Variants in AKAP9 observed in about 807,000 individuals in gnomAD.
AKAP9 encodes the protein A-kinase anchor protein 9.
AKAP9 carries 311 observed loss-of-function variants against 488.5 expected under a neutral mutation model. The observed-to-expected ratio is 0.64, with a 90% CI of 0.58 to 0.70. The LOEUF is 0.70. Among genes scored for constraint, AKAP9 ranks in the 30% least tolerant of loss-of-function variants. AKAP9 has a pLI of 0.00. For synonymous variants in AKAP9, 1,462 were observed against 1,483.5 expected (o/e 0.99, Z 0.33); for missense variants, 4,215 against 4,374.5 (o/e 0.96, Z 1.03).
At chr7:92,070,406 T>TG (rs745816260) in intron 27 of AKAP9, among the ~76,000 whole-genome samples, 200 bp downstream of exon 27, 20 of 27,838 alleles carry the variant, frequency 7.2e-4, no homozygotes, top group East Asian at 2.3e-3. Context: ...TTGTTGTTGT[T>TG]TTGTTTTGTT....
chr7:91,948,605 C>CCTTTT (rs1791773313), intron 1 of AKAP9, among the ~76,000 whole-genome samples: 1 of 107,564 alleles, frequency 9.3e-6, no homozygotes, highest in Non-Finnish European at 1.8e-5. Context: ...TTGTAGATTT[C>CCTTTT]TTTTTTTTTT....
intron 3 of AKAP9, among the ~76,000 whole-genome samples, chr7:91,990,205 A>C (rs192565856): frequency 1.9e-3 from 290 of 152,208 alleles, no homozygotes; most frequent in African/African-American, 6.5e-3. Flanking sequence ...CTGTTAATCT[A>C]ATCTTCATGT....
chr7:92,041,979 G>C, intron 18 of AKAP9, 67 bp from the exon 19 acceptor site: 1 of 1,559,770 alleles, frequency 6.4e-7, no homozygotes, highest in Non-Finnish European at 8.8e-7. Context: ...AAAGAAATCT[G>C]CTTAATATTT....
chr7:91,951,601 A>G (rs959599952), intron 1 of AKAP9, among the ~76,000 whole-genome samples: 5 of 152,218 alleles, frequency 3.3e-5, no homozygotes, highest in African/African-American at 4.8e-5. Context: ...CTGGGATTAT[A>G]GGTGTGAGCC....
At chr7:91,981,000 A>AT (rs1203448271) in intron 3 of AKAP9, among the ~76,000 whole-genome samples, 1 of 152,130 alleles carries the variant, frequency 6.6e-6, no homozygotes, top group Non-Finnish European at 1.5e-5. Context: ...GGAAAAAAAA[A>AT]CTCCATGTTC....
rs34162437 is a variant in AKAP9, at chr7:92,101,436, C to CA, written c.11097+396dup. Among the ~76,000 whole-genome samples the CA allele has an allele frequency of 0.014, 1,788 of 131,796 alleles. 80 individuals are homozygous for CA. In the East Asian group the frequency reaches 0.18, roughly 13 times the overall value. The allele number at this position is 131,796 out of a possible 152,430, so 86.5% of individuals were successfully genotyped here. A position where few individuals can be genotyped will look rare whatever the true frequency, so the allele number is the denominator to read the frequency against. ...TGGGCCACAGAGTGAGACTCCGTCT[C>CA]AAAAAAAAAAAAAAAATGTAGATAG... On this transcript the variant is annotated intron_variant, in intron 45 of 49. Transcript: ENST00000356239.
chr7:92,061,389 G>A lies in AKAP9; in HGVS notation c.5731G>A (p.Glu1911Lys), dbSNP rs1281681445. ...CCTTCATGAGGAGTCCAGGGCCAGA[G>A]AACAGCTAGCTGTGGAGCTCAGTAA... ...ERLHEESRAREQLAVELSKAE... is the reference protein window; with the variant it reads ...ERLHEESRARKQLAVELSKAE... Residue 1911 changes from glutamate to lysine, a missense_variant, in exon 23 of 50, where the codon GAA becomes AAA. By Grantham distance (56) the Glu-to-Lys change is moderately conservative. This residue lies in a region of AKAP9 where 2,361 missense variants were observed against 2,430.0 expected (regional missense o/e 0.97). Coordinates refer to ENST00000356239, the MANE Select transcript of AKAP9 (RefSeq NM_005751.5). 2 of 1,612,692 alleles carry A rather than the reference G, an allele frequency of 1.2e-6. No homozygotes were observed. Among genetic ancestry groups the A allele is most frequent in the African/African-American group, 2.7e-5 (2 of 74,696 alleles).
At chr7:92,099,574 C>T (rs1049384610) in intron 43 of AKAP9, 113 bp from the exon 44 acceptor site, 27 of 1,037,828 alleles carry the variant, frequency 2.6e-5, no homozygotes, top group Non-Finnish European at 3.9e-5. Flanking sequence ...ACTGAATACT[C>T]AACTCAAGCA....
intron 3 of AKAP9, among the ~76,000 whole-genome samples, chr7:91,986,832 T>G (rs1310792380): frequency 6.6e-6 from 1 of 152,014 alleles, no homozygotes; most frequent in Non-Finnish European, 1.5e-5. Flanking sequence ...TTATCATACT[T>G]GTTGACCATA....
chr7:92,042,405 G>A (rs558962548), intron 19 of AKAP9, among the ~76,000 whole-genome samples: 6 of 152,272 alleles, frequency 3.9e-5, no homozygotes, highest in African/African-American at 1.4e-4. Flanking sequence ...TTTCACCAAA[G>A]AGAACCTAAC....
chr7:91,988,324 A>T (rs1273207648), intron 3 of AKAP9, among the ~76,000 whole-genome samples: 1 of 148,782 alleles, frequency 6.7e-6, no homozygotes, highest in Non-Finnish European at 1.5e-5. Flanking sequence ...AAAAAAAAAA[A>T]AGCTAGGTGA....
chr7:91,940,926 G>A lies in AKAP9; in HGVS notation c.-174G>A, dbSNP rs946500780. The A allele has an allele frequency of 2.1e-5, 15 of 723,956 alleles. No homozygotes were observed. Among genetic ancestry groups the A allele is most frequent in the Middle Eastern group, 2.4e-4 (1 of 4,148 alleles). The allele number at this position is 723,956 out of a possible 1,614,324, so 44.8% of individuals were successfully genotyped here. On this transcript the variant is annotated 5_prime_UTR_variant, in exon 1 of 50. Transcript: ENST00000356239. ...TGACGGCGCTTCCCGTGCGGCTGAGGACGATCCGCCAGTGAGCGCGGAGAC... is the reference window on the plus strand; with the variant it reads ...TGACGGCGCTTCCCGTGCGGCTGAGAACGATCCGCCAGTGAGCGCGGAGAC...
chr7:92,077,027 T>C lies in AKAP9; in HGVS notation c.6765+20T>C. 1 of 1,452,714 alleles carries C rather than the reference T, an allele frequency of 6.9e-7. No individual in the cohort carries two copies. Among genetic ancestry groups the C allele is most frequent in the South Asian group, 1.3e-5 (1 of 76,214 alleles). 90.0% of individuals were successfully genotyped at this position (1,452,714 alleles called of 1,614,324 possible). On this transcript the variant is annotated intron_variant, in intron 29 of 49. Transcript: ENST00000356239. ...TTTAAGGTAATTAGTTAAGAAAAAC[T>C]TTTATCTGTAAATAAGTCATAGTTT... is the stretch of plus-strand genomic sequence containing the variant.
chr7:92,079,374 A>G lies in AKAP9; in HGVS notation c.7241A>G (p.Asn2414Ser). 6.2e-7 allele frequency: 1 copy of G among 1,614,062 alleles called. No homozygotes were observed. Among genetic ancestry groups the G allele is most frequent in the Non-Finnish European group, 8.5e-7 (1 of 1,179,996 alleles). Residue 2414 changes from asparagine (N) to serine (S), a missense_variant, in exon 31 of 50, where the codon AAT (asparagine) becomes AGT (serine). By Grantham distance (46) the Asn-to-Ser change is conservative. This residue lies in a region of AKAP9 where 1,476 missense variants were observed against 1,477.4 expected (regional missense o/e 1.00). Transcript: ENST00000356239. ...TANEEMTFMK[N>S]VLKETNFKMN... Reference sequence around the variant, plus strand: ...AATGAAGAAATGACCTTCATGAAAAATGTACTTAAAGAAACCAATTTTAAA... The same window carrying G: ...AATGAAGAAATGACCTTCATGAAAAGTGTACTTAAAGAAACCAATTTTAAA...
intron 12 of AKAP9, among the ~76,000 whole-genome samples, chr7:92,017,356 G>T (rs559653098): frequency 9.9e-5 from 15 of 152,026 alleles, no homozygotes; most frequent in Non-Finnish European, 1.8e-4. Flanking sequence ...TGTAAACTGT[G>T]TGAAACAATT....
chr7:92,080,161 T>C lies in AKAP9; in HGVS notation c.8019+9T>C. On this transcript the variant is annotated intron_variant, in intron 31 of 49. Transcript: ENST00000356239. ...ATGTTGAAGTTCTCAAGGTTAGTTT[T>C]GTATTTTATTAGTTTCATTTAAATA... 1 of 1,554,474 alleles carries C rather than the reference T, an allele frequency of 6.4e-7. No individual in the cohort carries two copies. The highest frequency in any genetic ancestry group is 1.2e-5 in the South Asian group (1 of 86,020).
At chr7:92,108,141 T>C (rs1466935161) in intron 48 of AKAP9, among the ~76,000 whole-genome samples, 5 of 152,220 alleles carry the variant, frequency 3.3e-5, no homozygotes, top group Non-Finnish European at 7.3e-5. Flanking sequence ...CCAAGTGTTA[T>C]TTAGTGTATG....
intron 41 of AKAP9, 99 bp downstream of exon 41, chr7:92,097,456 T>C: frequency 2.0e-6 from 3 of 1,517,696 alleles, no homozygotes; most frequent in Non-Finnish European, 2.7e-6. Flanking sequence ...AATAGCTATA[T>C]GTAAATCACT....
rs2130830320 is a variant in AKAP9, at chr7:92,065,228, CAG to C, written c.5978-1_5978del. ...ATTCAGTATATTTTGTATTAATAAA[CAG>C]AATTACTACAGGAGACAGAAAAATT... On this transcript the variant is annotated splice_acceptor_variant, in intron 24 of 49. Transcript: ENST00000356239. LOFTEE classifies it high-confidence loss of function. 6 of 1,554,506 alleles carry C rather than the reference CAG, an allele frequency of 3.9e-6. No homozygotes were observed. The highest frequency in any genetic ancestry group is 4.4e-6 in the Non-Finnish European group (5 of 1,129,474).
Sources: gnomAD v4.1 joint callset for allele counts (sites outside exome capture counted in the v4.1 genomes callset) on GRCh38, gnomAD v4.1.1 for gene constraint, gnomAD v4.1.1 regional missense constraint, MANE v1.5 for transcripts, NCBI Gene and HGNC (gene_info 2026-07-23, HGNC 2026-07-21) for gene names.